Variants in NUP188 observed in about 807,000 individuals in gnomAD.
NUP188 encodes the protein nucleoporin NUP188.
NUP188 carries 97 observed loss-of-function variants against 223.0 expected under a neutral mutation model. The observed-to-expected ratio is 0.43, with a 90% CI of 0.37 to 0.51. The LOEUF is 0.51. Ranked by LOEUF, NUP188 falls within the 20% of genes least tolerant of loss-of-function variation. The probability of loss-of-function intolerance (pLI) is 0.00; values close to 1 mark genes in which losing one functional copy is unlikely to be tolerated. For synonymous variants in NUP188, 869 were observed against 828.0 expected (o/e 1.05, Z -0.85); for missense variants, 1,947 against 2,175.6 (o/e 0.89, Z 2.09).
rs1380488861 is a variant in NUP188, at chr9:129,006,934, T to C, written c.*256T>C. ...CAGACGCCCCCTAGAGGAACTTTCC[T>C]TCCTTTCCAGCATTCCCCACAGCAC... On this transcript the variant is annotated 3_prime_UTR_variant, in exon 44 of 44. Coordinates refer to ENST00000372577, the MANE Select transcript of NUP188 (RefSeq NM_015354.3). The C allele has an allele frequency of 1.1e-4, 43 of 395,734 alleles. No individual in the cohort carries two copies. The Admixed American group carries it at 1.8e-3, about 16-fold the overall frequency. The allele number at this position is 395,734 out of a possible 1,614,324, so 24.5% of individuals were successfully genotyped here.
intron 10 of NUP188, 85 bp downstream of exon 10, chr9:128,969,599 A>G: frequency 2.8e-6 from 2 of 725,382 alleles, no homozygotes; most frequent in Admixed American, 3.1e-5. Context: ...TAAAATTTTC[A>G]GTGTTGTGGA....
At chr9:128,965,836 TGCCCAG>T (rs1442162584) in intron 8 of NUP188, among the ~76,000 whole-genome samples, 2 of 151,660 alleles carry the variant, frequency 1.3e-5, no homozygotes, top group African/African-American at 4.8e-5. Flanking sequence ...TCACTCTTGT[TGCCCAG>T]GCTGGAGTGC....
chr9:128,982,862 G>T (rs1269842469), intron 16 of NUP188, 40 bp from the exon 17 acceptor site: 1 of 1,612,534 alleles, frequency 6.2e-7, no homozygotes, highest in African/African-American at 1.3e-5. Flanking sequence ...ATCTTAAAGG[G>T]GTTGTTTGCC....
intron 30 of NUP188, among the ~76,000 whole-genome samples, chr9:128,995,791 C>T (rs1459613799): frequency 6.6e-6 from 1 of 152,210 alleles, no homozygotes; most frequent in Non-Finnish European, 1.5e-5. Context: ...TGGGTCTTAG[C>T]TGCTCCCTGG....
chr9:128,959,759 C>T (rs2417131), intron 8 of NUP188, among the ~76,000 whole-genome samples: 52,052 of 151,460 alleles, frequency 0.34, 9,331 homozygotes, highest in Admixed American at 0.41. Flanking sequence ...AGGCTGGTCT[C>T]GAACTCCCGA....
At chr9:128,951,306 C>CAAAAAAA (rs34863865) in intron 2 of NUP188, among the ~76,000 whole-genome samples, 3 of 86,236 alleles carry the variant, frequency 3.5e-5, no homozygotes, top group Admixed American at 2.5e-4. Flanking sequence ...GACTCCATCT[C>CAAAAAAA]AAAAAAAAAA....
intron 37 of NUP188, 43 bp downstream of exon 37, chr9:129,003,018 A>T (rs1473555211): frequency 2.2e-5 from 35 of 1,605,476 alleles, no homozygotes; most frequent in Non-Finnish European, 2.9e-5. Flanking sequence ...TTTCAGGGTA[A>T]AAAAGGTACT....
intron 12 of NUP188, among the ~76,000 whole-genome samples, chr9:128,976,644 C>G (rs1484978485): frequency 6.6e-6 from 1 of 151,348 alleles, no homozygotes; most frequent in African/African-American, 2.4e-5. Flanking sequence ...GCACTCCAGC[C>G]TGGGCAACAA....
At chr9:128,964,942 G>T (rs560083484) in intron 8 of NUP188, among the ~76,000 whole-genome samples, 2 of 151,996 alleles carry the variant, frequency 1.3e-5, no homozygotes, top group African/African-American at 4.8e-5. Flanking sequence ...CTGACCTCAG[G>T]TCATCCACCC....
At chr9:128,981,005 G>A (rs1275448769) in intron 14 of NUP188, among the ~76,000 whole-genome samples, 1 of 152,182 alleles carries the variant, frequency 6.6e-6, no homozygotes, top group South Asian at 2.1e-4. Context: ...TAAGAGCCAG[G>A]TGGTACAGAG....
intron 4 of NUP188, among the ~76,000 whole-genome samples, 190 bp downstream of exon 4, chr9:128,956,624 T>C (rs998687414): frequency 6.6e-6 from 1 of 152,216 alleles, no homozygotes; most frequent in Non-Finnish European, 1.5e-5. Context: ...CTGCATATCA[T>C]AGGGTTTTCT....
chr9:128,986,922 C>G, intron 22 of NUP188, 47 bp downstream of exon 22: 3 of 1,558,312 alleles, frequency 1.9e-6, no homozygotes, highest in East Asian at 2.2e-5. Context: ...CAAGGCAAGA[C>G]ACGGGCTTTT....
At chr9:128,954,121 T>C (rs1841835367) in intron 3 of NUP188, among the ~76,000 whole-genome samples, 1 of 151,444 alleles carries the variant, frequency 6.6e-6, no homozygotes, top group South Asian at 2.1e-4. Flanking sequence ...TGAGCCGTCA[T>C]ACCCAGCCTA....
intron 11 of NUP188, among the ~76,000 whole-genome samples, chr9:128,972,402 A>G (rs887868140): frequency 1.3e-5 from 2 of 152,224 alleles, no homozygotes; most frequent in African/African-American, 4.8e-5. Context: ...CCTTGGAGAC[A>G]TTAAAGAGAA....
chr9:128,984,875 T>A (rs766890760), intron 19 of NUP188, 25 bp from the exon 20 acceptor site: 2 of 1,500,474 alleles, frequency 1.3e-6, no homozygotes, highest in South Asian at 2.4e-5. Flanking sequence ...CCTATCATTT[T>A]TTTTCCCTCT....
At chr9:128,968,359 T>TG (rs1368359048) in intron 8 of NUP188, 147 bp from the exon 9 acceptor site, 2 of 629,638 alleles carry the variant, frequency 3.2e-6, no homozygotes, top group Non-Finnish European at 5.5e-6. Context: ...GAGGATCAGT[T>TG]GCGTGTAGCA....
rs755404218 is a variant in NUP188 at position 128,994,914 on chromosome 9, A to G, written c.3146A>G (p.Tyr1049Cys). The part of the protein sequence containing the change: ...IMKIICLEIY[Y>C]VVKGSLDQSL... ...AAGATAATTTGCTTGGAGATATACT[A>G]TGTAGTAAAGTGAGTACTTTCCCCT... Residue 1049 changes from tyrosine to cysteine, a missense_variant, in exon 29 of 44, where the codon TAT (tyrosine) becomes TGT (cysteine). By Grantham distance (194) the Tyr-to-Cys change is radical. Coordinates refer to ENST00000372577, the MANE Select transcript of NUP188 (RefSeq NM_015354.3). The G allele has an allele frequency of 1.5e-5, 24 of 1,610,934 alleles. No homozygotes were observed. The highest frequency in any genetic ancestry group is 9.3e-6 in the Non-Finnish European group (11 of 1,177,068).
At position 128,979,294 on chromosome 9, in the gene NUP188, C is replaced by T. The variant is rs372536682; in HGVS notation, c.1236C>T (p.Ala412=). The part of the protein sequence containing the change: ...DIIDTACEVL[A]DPSLPELFWG... ...TTGATACAGCATGTGAAGTATTGGC[C>T]GACCCTTCTCTTCCGGAACTGTTCT... is the stretch of plus-strand genomic sequence containing the variant. The change falls in exon 13 of 44, where the codon GCC becomes GCT. Residue 412 remains alanine (A), a synonymous_variant. Coordinates refer to ENST00000372577, the MANE Select transcript of NUP188 (RefSeq NM_015354.3). 6.2e-6 allele frequency: 10 copies of T among 1,612,338 alleles called. No homozygotes were observed. Among genetic ancestry groups the T allele is most frequent in the East Asian group, 2.2e-5 (1 of 44,816 alleles).
At chr9:128,977,418 C>G (rs1418111480) in intron 12 of NUP188, among the ~76,000 whole-genome samples, 1 of 152,094 alleles carries the variant, frequency 6.6e-6, no homozygotes, top group Non-Finnish European at 1.5e-5. Context: ...CGTGCCCGAC[C>G]AGGTACTTGG....
Sources: allele counts gnomAD v4.1 joint callset (sites outside exome capture counted in the v4.1 genomes callset), GRCh38; gene constraint gnomAD v4.1.1; transcripts MANE v1.5; gene names NCBI Gene and HGNC (gene_info 2026-07-23, HGNC 2026-07-21).